B3GALT2: variants seen among roughly 807,000 people sequenced by gnomAD.
B3GALT2 encodes UDP-Gal:betaGlcNAc beta 1,3-galactosyltransferase, polypeptide 2.
A neutral mutation model predicts 33.5 loss-of-function variants in B3GALT2; 13 were observed. That is an observed-to-expected ratio of 0.39 (90% CI 0.25 to 0.62). B3GALT2 has a LOEUF of 0.62. B3GALT2 is among the 20% of genes least tolerant of loss of function. B3GALT2 has a pLI of 0.53. For synonymous variants in B3GALT2, 195 were observed against 172.7 expected (o/e 1.13, Z -1.01); for missense variants, 418 against 509.1 (o/e 0.82, Z 1.72).
rs1465693031 is a variant in B3GALT2 at position 193,180,899 on chromosome 1, C to T, written c.664G>A (p.Asp222Asn). 6.2e-7 allele frequency: 1 copy of T among 1,613,806 alleles called. No individual in the cohort carries two copies. Among genetic ancestry groups the T allele is most frequent in the Non-Finnish European group, 8.5e-7 (1 of 1,179,942 alleles). The change falls in exon 2 of 2, where the codon GAT becomes AAT. Residue 222 changes from aspartate to asparagine, a missense_variant. Physicochemically the swap from Asp to Asn is conservative, Grantham distance 23 (BLOSUM62 1). Coordinates refer to ENST00000367434, the MANE Select transcript of B3GALT2 (RefSeq NM_003783.3). ...TTAATGGTCAAATTATAGTACGTAT[C>T]TAAGTATTCCTGTTGAATTATATCA... ...YHDIIQQEYL[D>N]TYYNLTIKTL...
Position 193,181,324 on chromosome 1 carries a change from C to T in B3GALT2, c.239G>A (p.Arg80Gln), listed in dbSNP as rs576603378. 1.4e-5 allele frequency: 22 copies of T among 1,613,978 alleles called. No individual in the cohort carries two copies. Among genetic ancestry groups the T allele is most frequent in the South Asian group, 7.7e-5 (7 of 91,082 alleles). Residue 80 changes from arginine to glutamine, a missense_variant, in exon 2 of 2, where the codon CGG becomes CAG. Arg to Gln is a conservative substitution (Grantham distance 43). This residue lies in a region of B3GALT2 where 188 missense variants were observed against 197.5 expected (regional missense o/e 0.95). Coordinates refer to ENST00000367434, the MANE Select transcript of B3GALT2 (RefSeq NM_003783.3). ...AGGGACTGTTTCTTTCCAAATGTTC[C>T]GAAGGGAGCTGTGGTTTGTCTCACT... is the stretch of plus-strand genomic sequence containing the variant. ...TKSETNHSSLRNIWKETVPQT... is the reference protein window; with the variant it reads ...TKSETNHSSLQNIWKETVPQT...
In B3GALT2 at chr1:193,181,076, G is replaced by C; in HGVS notation, c.487C>G (p.Gln163Glu). The C allele has an allele frequency of 6.2e-7, 1 of 1,613,944 alleles. No homozygotes were observed. The highest frequency in any genetic ancestry group is 8.5e-7 in the Non-Finnish European group (1 of 1,179,956). Residue 163 changes from glutamine to glutamate, a missense_variant, in exon 2 of 2, where the codon CAA (glutamine) becomes GAA (glutamate). Physicochemically the swap from Gln to Glu is conservative, Grantham distance 29. Around this residue, in one of 3 missense-constraint regions of B3GALT2, gnomAD observed 188 missense variants for 197.5 expected, o/e 0.95. Transcript: ENST00000367434. ...CGAATAGCTCTTCTAGCTTCTATTT[G>C]TCCAGGCTCTGCAGCTATTAGTAGT... ...LILLIAAEPG[Q>E]IEARRAIRQT... is the part of the protein sequence containing the mutation.
At position 193,181,369 on chromosome 1, in the gene B3GALT2, C is replaced by T. The variant is rs745513357; in HGVS notation, c.194G>A (p.Arg65Gln). The T allele has an allele frequency of 9.3e-6, 15 of 1,613,836 alleles. No individual in the cohort carries two copies. The highest frequency in any genetic ancestry group is 5.5e-5 in the South Asian group (5 of 91,078). The change falls in exon 2 of 2, where the codon CGA becomes CAA. Residue 65 changes from arginine to glutamine, a missense_variant. This residue lies in a region of B3GALT2 where 188 missense variants were observed against 197.5 expected (regional missense o/e 0.95). Coordinates refer to ENST00000367434, the MANE Select transcript of B3GALT2 (RefSeq NM_003783.3). ...CTCACTTTTTGTTGACCGAAATCCT[C>T]GGAAAGTGTATGTCACAGGGTTTTC... ...FKENPVTYTF[R>Q]GFRSTKSETN...
Position 193,180,986 on chromosome 1 carries a change from A to G in B3GALT2, c.577T>C (p.Leu193=). Residue 193 remains leucine, a synonymous_variant, in exon 2 of 2, where the codon TTA becomes CTA. Transcript: ENST00000367434. ...AGGTAGCCATTTAGCTTAATACTTAAGCCCAACAAAAATATTCTTGTGATT... is the reference window on the plus strand; with the variant it reads ...AGGTAGCCATTTAGCTTAATACTTAGGCCCAACAAAAATATTCTTGTGATT... ...IQITRIFLLG[L]SIKLNGYLQR... 6.2e-7 allele frequency: 1 copy of G among 1,613,592 alleles called. No homozygotes were observed. Among genetic ancestry groups the G allele is most frequent in the South Asian group, 1.1e-5 (1 of 91,082 alleles).
chr1:193,181,755 A>G (rs1326215300), intron 1 of B3GALT2, 73 bp from the exon 2 acceptor site: 2 of 519,796 alleles, frequency 3.8e-6, no homozygotes, highest in Non-Finnish European at 6.7e-6. Context: ...ATCAGGGCAA[A>G]TAGGAATGTC....
intron 1 of B3GALT2, among the ~76,000 whole-genome samples, chr1:193,184,948 A>G (rs1676779657): frequency 6.6e-6 from 1 of 151,928 alleles, no homozygotes; most frequent in Non-Finnish European, 1.5e-5. Context: ...AGGATCTTTG[A>G]TAGATTTGTA....
In B3GALT2 at chr1:193,180,239, A is replaced by C. The variant is rs1164165959; in HGVS notation, c.*55T>G. On this transcript the variant is annotated 3_prime_UTR_variant, in exon 2 of 2. Coordinates refer to ENST00000367434, the MANE Select transcript of B3GALT2 (RefSeq NM_003783.3). ...CCTACGGATGTAATCAGTTCTAACT[A>C]TACATGCTTTTAGCAATATTTACAA... The C allele has an allele frequency of 1.4e-6, 2 of 1,465,068 alleles. No homozygotes were observed. The highest frequency in any genetic ancestry group is 1.8e-6 in the Non-Finnish European group (2 of 1,086,892). 90.8% of individuals were successfully genotyped at this position (1,465,068 alleles called of 1,614,324 possible). A position where few individuals can be genotyped will look rare whatever the true frequency, so the allele number is the denominator to read the frequency against.
In B3GALT2 at chr1:193,184,716, A is replaced by T. The variant is rs184374639; in HGVS notation, c.-121+1303T>A. ...AATATTGAGAGATTAAGGTACCAAG[A>T]GGGACTTGAAATTTTTACAACCATA... is the stretch of plus-strand genomic sequence containing the variant. On this transcript the variant is annotated intron_variant, in intron 1 of 1. Coordinates refer to ENST00000367434, the MANE Select transcript of B3GALT2 (RefSeq NM_003783.3). Among the ~76,000 whole-genome samples the T allele has an allele frequency of 7.4e-3, 1,126 of 152,046 alleles. 28 individuals are homozygous for T. Among genetic ancestry groups the T allele is most frequent in the Non-Finnish European group, 5.0e-3 (339 of 67,836 alleles).
In B3GALT2 at chr1:193,180,871, G is replaced by A. The variant is rs768163317; in HGVS notation, c.692C>T (p.Thr231Ile). 1.2e-6 allele frequency: 2 copies of A among 1,613,318 alleles called. No individual in the cohort carries two copies. The highest frequency in any genetic ancestry group is 1.7e-6 in the Non-Finnish European group (2 of 1,179,416). ...TGCAACCCAGTTCATGCCCATTAGT[G>A]TTTTAATGGTCAAATTATAGTACGT... ...LDTYYNLTIK[T>I]LMGMNWVATY... The change falls in exon 2 of 2, where the codon ACA becomes ATA. Residue 231 changes from threonine to isoleucine, a missense_variant. Transcript: ENST00000367434.
In B3GALT2 at chr1:193,181,371, G is replaced by T; in HGVS notation, c.192C>A (p.Phe64Leu). 6.2e-7 allele frequency: 1 copy of T among 1,614,048 alleles called. No homozygotes were observed. The highest frequency in any genetic ancestry group is 8.5e-7 in the Non-Finnish European group (1 of 1,179,934). ...GFKENPVTYT[F>L]RGFRSTKSET... The stretch of plus-strand genomic sequence containing the variant: ...CACTTTTTGTTGACCGAAATCCTCG[G>T]AAAGTGTATGTCACAGGGTTTTCTT... The change falls in exon 2 of 2, where the codon TTC becomes TTA. Residue 64 changes from phenylalanine (F) to leucine (L), a missense_variant. Phe to Leu is a conservative substitution (Grantham distance 22). This residue lies in a region of B3GALT2 where 188 missense variants were observed against 197.5 expected (regional missense o/e 0.95). Transcript: ENST00000367434.
intron 1 of B3GALT2, among the ~76,000 whole-genome samples, chr1:193,183,072 A>C (rs1399172834): frequency 1.3e-5 from 2 of 151,990 alleles, no homozygotes; most frequent in Non-Finnish European, 2.9e-5. Context: ...CATAAATTTA[A>C]TTACTTCTAG....
chr1:193,181,032 T>G lies in B3GALT2; in HGVS notation c.531A>C (p.Glu177Asp). The change falls in exon 2 of 2, where the codon GAA becomes GAC. Residue 177 changes from glutamate to aspartate, a missense_variant. Around this residue, in one of 3 missense-constraint regions of B3GALT2, gnomAD observed 4 missense variants for 17.7 expected, o/e 0.23. Transcript: ENST00000367434. ...RRAIRQTWGN[E>D]SLAPGIQITR... ...TGATTTGAATACCAGGTGCTAGACT[T>G]TCATTGCCCCAAGTTTGCCGAATAG... 1 of 1,613,854 alleles carries G rather than the reference T, an allele frequency of 6.2e-7. No individual in the cohort carries two copies. Among genetic ancestry groups the G allele is most frequent in the Non-Finnish European group, 8.5e-7 (1 of 1,179,950 alleles).
intron 1 of B3GALT2, among the ~76,000 whole-genome samples, chr1:193,184,119 T>G (rs146057519): frequency 3.6e-4 from 55 of 152,028 alleles, no homozygotes; most frequent in African/African-American, 1.3e-3. Context: ...GTGATAGAGA[T>G]GCATCTTAAT....
In B3GALT2 at chr1:193,181,084, T is replaced by C. The variant is rs777087560; in HGVS notation, c.479A>G (p.Glu160Gly). 6 of 1,614,092 alleles carry C rather than the reference T, an allele frequency of 3.7e-6. No homozygotes were observed. The highest frequency in any genetic ancestry group is 4.2e-6 in the Non-Finnish European group (5 of 1,179,968). Reference sequence around the variant, plus strand: ...TCTTCTAGCTTCTATTTGTCCAGGCTCTGCAGCTATTAGTAGTATTAAAAA... The same window carrying C: ...TCTTCTAGCTTCTATTTGTCCAGGCCCTGCAGCTATTAGTAGTATTAAAAA... ...SPFLILLIAA[E>G]PGQIEARRAI... The change falls in exon 2 of 2, where the codon GAG (glutamate) becomes GGG (glycine). Residue 160 changes from glutamate (E) to glycine (G), a missense_variant. Physicochemically the swap from Glu to Gly is moderately conservative, Grantham distance 98 (BLOSUM62 -2). Coordinates refer to ENST00000367434, the MANE Select transcript of B3GALT2 (RefSeq NM_003783.3).
At chr1:193,183,621 G>A (rs182808499) in intron 1 of B3GALT2, among the ~76,000 whole-genome samples, 104 of 151,010 alleles carry the variant, frequency 6.9e-4, no homozygotes, top group Non-Finnish European at 1.3e-3. Context: ...TTAGACCAGG[G>A]AACTATTTTT....
At position 193,180,105 on chromosome 1, in the gene B3GALT2, G is replaced by T; in HGVS notation, c.*189C>A. The T allele has an allele frequency of 2.1e-6, 1 of 482,766 alleles. No individual in the cohort carries two copies. The allele number at this position is 482,766 out of a possible 1,614,324, so 29.9% of individuals were successfully genotyped here. ...ACAGTTTTTTAAATAGATTGTTTTG[G>T]GAAACCTTTTTTGTTATATAATGTT... On this transcript the variant is annotated 3_prime_UTR_variant, in exon 2 of 2. Transcript: ENST00000367434.
At chr1:193,182,954 A>G (rs2103160843) in intron 1 of B3GALT2, among the ~76,000 whole-genome samples, 1 of 152,202 alleles carries the variant, frequency 6.6e-6, no homozygotes, top group Middle Eastern at 3.4e-3. Flanking sequence ...AAAAAGTTTT[A>G]ATACAGGAGC....
chr1:193,179,457 A>T lies in B3GALT2; in HGVS notation c.*837T>A, dbSNP rs758900496. ...TCTTTACAGATATATTCGAAGTTAGATATACATGAAATTAAATGGTGGTGC... is the reference window on the plus strand; with the variant it reads ...TCTTTACAGATATATTCGAAGTTAGTTATACATGAAATTAAATGGTGGTGC... On this transcript the variant is annotated 3_prime_UTR_variant, in exon 2 of 2. Transcript: ENST00000367434. 5.9e-5 allele frequency: 9 copies of T among 152,648 alleles called. No individual in the cohort carries two copies. The highest frequency in any genetic ancestry group is 9.6e-5 in the African/African-American group (4 of 41,456). The allele number at this position is 152,648 out of a possible 1,614,324, so 9.5% of individuals were successfully genotyped here.
chr1:193,181,529 C>A lies in B3GALT2; in HGVS notation c.34G>T (p.Ala12Ser). Residue 12 changes from alanine (A) to serine (S), a missense_variant, in exon 2 of 2, where the codon GCA (alanine) becomes TCA (serine). Coordinates refer to ENST00000367434, the MANE Select transcript of B3GALT2 (RefSeq NM_003783.3). ...LQWRRRHCCF[A>S]KMTWNAKRSL... Reference sequence around the variant, plus strand: ...CTTTTGGCATTCCAGGTCATCTTTGCAAAGCAGCAGTGTCTTCTCCTCCAC... The same window carrying A: ...CTTTTGGCATTCCAGGTCATCTTTGAAAAGCAGCAGTGTCTTCTCCTCCAC... 1 of 1,606,344 alleles carries A rather than the reference C, an allele frequency of 6.2e-7. No homozygotes were observed. The highest frequency in any genetic ancestry group is 1.1e-5 in the South Asian group (1 of 89,474).
Sources: allele counts gnomAD v4.1 joint callset (sites outside exome capture counted in the v4.1 genomes callset), GRCh38; gene constraint gnomAD v4.1.1; regional missense constraint gnomAD v4.1.1; transcripts MANE v1.5; gene names NCBI Gene and HGNC (gene_info 2026-07-23, HGNC 2026-07-21).